CERS3: variants seen among roughly 807,000 people sequenced by gnomAD.
CERS3 encodes the protein LAG1 homolog, ceramide synthase 3.
Under a neutral mutation model 50.3 loss-of-function variants are expected in CERS3, and 33 were observed. That is an observed-to-expected ratio of 0.66 (90% CI 0.50 to 0.88). The LOEUF (loss-of-function observed/expected upper bound fraction) is 0.88, where lower values mean the gene tolerates loss of function less well. Among genes scored for constraint, CERS3 ranks in the 40% least tolerant of loss-of-function variants. The pLI, the probability that CERS3 is intolerant of heterozygous loss-of-function variation, is 0.00. For synonymous variants in CERS3, 176 were observed against 155.2 expected (o/e 1.13, Z -0.99); for missense variants, 470 against 460.3 (o/e 1.02, Z -0.19).
intron 10 of CERS3, among the ~76,000 whole-genome samples, chr15:100,462,244 A>C (rs1969094): frequency 6.6e-6 from 1 of 152,052 alleles, no homozygotes; most frequent in Non-Finnish European, 1.5e-5. Context: ...GGATTGCAAA[A>C]CTCAGCTTTT....
chr15:100,507,464 G>A (rs2036219158), intron 2 of CERS3, among the ~76,000 whole-genome samples: 1 of 152,230 alleles, frequency 6.6e-6, no homozygotes, highest in Non-Finnish European at 1.5e-5. Context: ...ACTTCAGACT[G>A]TTAGCAACAA....
At chr15:100,539,648 C>A (rs1158320859) in intron 1 of CERS3, among the ~76,000 whole-genome samples, 6 of 152,178 alleles carry the variant, frequency 3.9e-5, no homozygotes, top group Non-Finnish European at 7.4e-5. Flanking sequence ...GATTCAGTTA[C>A]TTCTACCTGG....
intron 11 of CERS3, among the ~76,000 whole-genome samples, chr15:100,434,097 C>G (rs2033275159): frequency 6.6e-6 from 1 of 152,230 alleles, no homozygotes; most frequent in Admixed American, 6.5e-5. Flanking sequence ...TCAGCAGAGT[C>G]AGTTCCATTC....
At chr15:100,494,375 G>C (rs1211322455) in intron 3 of CERS3, among the ~76,000 whole-genome samples, 3 of 151,326 alleles carry the variant, frequency 2.0e-5, no homozygotes, top group Non-Finnish European at 4.4e-5. Flanking sequence ...AGCCTCCTGA[G>C]TAGCTGGGAC....
rs1243846179 is a variant in CERS3, at chr15:100,402,337, A to G, written c.*376T>C. 5.9e-6 allele frequency: 1 copy of G among 168,336 alleles called. No homozygotes were observed. The highest frequency in any genetic ancestry group is 2.4e-5 in the African/African-American group (1 of 41,874). The allele number at this position is 168,336 out of a possible 1,614,324, so 10.4% of individuals were successfully genotyped here. A position where few individuals can be genotyped will look rare whatever the true frequency, so the allele number is the denominator to read the frequency against. ...TTTGTGGCCAAACACACCTGGGAAA[A>G]ATGAGATCACTTAGCACCTGTGAAA... On this transcript the variant is annotated 3_prime_UTR_variant, in exon 12 of 12. Transcript: ENST00000679737.
chr15:100,451,315 T>G (rs144622299), intron 11 of CERS3, among the ~76,000 whole-genome samples: 1 of 152,192 alleles, frequency 6.6e-6, no homozygotes, highest in Non-Finnish European at 1.5e-5. Context: ...GTAAACAGAT[T>G]AAACTTTCCA....
chr15:100,504,528 C>A (rs1275337491), intron 2 of CERS3, among the ~76,000 whole-genome samples: 2 of 152,182 alleles, frequency 1.3e-5, no homozygotes, highest in Admixed American at 1.3e-4. Context: ...CAGGCATAAG[C>A]ACTGCGCCCA....
intron 11 of CERS3, among the ~76,000 whole-genome samples, chr15:100,417,581 A>C (rs1421798025): frequency 8.5e-5 from 13 of 152,094 alleles, no homozygotes; most frequent in Non-Finnish European, 1.9e-4. Context: ...AGCCCACCAC[A>C]GCTCAAGGAG....
intron 1 of CERS3, among the ~76,000 whole-genome samples, chr15:100,541,066 AG>A (rs992962217): frequency 5.6e-4 from 85 of 152,290 alleles, no homozygotes; most frequent in African/African-American, 2.0e-3. Context: ...GGTTAGAAAA[AG>A]CTAGGGCATC....
At chr15:100,457,940 A>G (rs1418231641) in intron 10 of CERS3, among the ~76,000 whole-genome samples, 2 of 152,232 alleles carry the variant, frequency 1.3e-5, no homozygotes, top group Non-Finnish European at 2.9e-5. Context: ...AACTTGATGT[A>G]TATAGTCTTT....
At chr15:100,403,916 G>A (rs1249588334) in intron 11 of CERS3, among the ~76,000 whole-genome samples, 2 of 152,182 alleles carry the variant, frequency 1.3e-5, no homozygotes, top group African/African-American at 4.8e-5. Flanking sequence ...CCTGTGTAAA[G>A]TTTTTGCAGA....
intron 1 of CERS3, among the ~76,000 whole-genome samples, chr15:100,541,332 C>T (rs112197092): frequency 0.26 from 39,737 of 152,032 alleles, 5,930 homozygotes; most frequent in Non-Finnish European, 0.34. Flanking sequence ...ATTAGCCGGG[C>T]GTGATGGCGC....
upstream of CERS3, among the ~76,000 whole-genome samples, chr15:100,533,631 C>T (rs1387467546): frequency 1.0e-4 from 15 of 143,528 alleles, no homozygotes; most frequent in African/African-American, 3.4e-4. Context: ...AATCTCAGCT[C>T]ACTGCAACCT....
rs570968391 is a variant in CERS3, at chr15:100,401,077, C to T, written c.*1636G>A. 4.4e-4 allele frequency: 67 copies of T among 152,246 alleles called. 1 individual carries two copies. Among genetic ancestry groups the T allele is most frequent in the African/African-American group, 1.5e-3 (63 of 41,550 alleles). 9.4% of individuals were successfully genotyped at this position (152,246 alleles called of 1,614,324 possible). ...TATTTTTATTTAAAAATAACAATAA[C>T]GCAGTCTGTTCTGTGCAGTGTCCTT... On this transcript the variant is annotated 3_prime_UTR_variant, in exon 12 of 12. Coordinates refer to ENST00000679737, the MANE Select transcript of CERS3 (RefSeq NM_001378789.1).
chr15:100,432,924 T>C (rs145827082), intron 11 of CERS3, among the ~76,000 whole-genome samples: 53 of 152,186 alleles, frequency 3.5e-4, no homozygotes, highest in African/African-American at 1.2e-3. Context: ...GCAAGGTATG[T>C]GGTATGAAAT....
intron 1 of CERS3, among the ~76,000 whole-genome samples, chr15:100,527,533 C>T (rs913388426): frequency 7.2e-5 from 11 of 152,176 alleles, no homozygotes; most frequent in African/African-American, 2.4e-4. Flanking sequence ...ACACAAGGAC[C>T]CTGTAGGGGG....
intron 10 of CERS3, among the ~76,000 whole-genome samples, chr15:100,456,687 C>T (rs2034384085): frequency 6.6e-6 from 1 of 152,148 alleles, no homozygotes; most frequent in Admixed American, 6.5e-5. Flanking sequence ...TGGCTCATGC[C>T]TGTAATACCA....
intron 8 of CERS3, among the ~76,000 whole-genome samples, chr15:100,474,306 T>C (rs2035057922): frequency 6.6e-6 from 1 of 152,272 alleles, no homozygotes; most frequent in Non-Finnish European, 1.5e-5. Context: ...ATAAAGATGT[T>C]TAAAAAACTT....
chr15:100,444,194 C>T (rs924412619), intron 11 of CERS3, among the ~76,000 whole-genome samples: 1 of 152,196 alleles, frequency 6.6e-6, no homozygotes, highest in Non-Finnish European at 1.5e-5. Context: ...CTTAAAATCA[C>T]AAACTATGCT....
Sources: allele counts gnomAD v4.1 joint callset (sites outside exome capture counted in the v4.1 genomes callset), GRCh38; gene constraint gnomAD v4.1.1; transcripts MANE v1.5; gene names NCBI Gene and HGNC (gene_info 2026-07-23, HGNC 2026-07-21).